Variants in TDRD7 observed in about 807,000 individuals in gnomAD.
TDRD7 encodes tudor domain containing 7.
A neutral mutation model predicts 109.8 loss-of-function variants in TDRD7; 47 were observed. That is an observed-to-expected ratio of 0.43 (90% CI 0.34 to 0.55). The LOEUF is 0.55. Among genes scored for constraint, TDRD7 ranks in the 20% least tolerant of loss-of-function variants. The pLI is 0.03. For missense variants in TDRD7, 1,164 were observed against 1,319.2 expected (o/e 0.88, Z 1.82); for synonymous variants, 424 against 457.3 (o/e 0.93, Z 0.93).
chr9:97,471,865 T>G (rs1828919949), intron 9 of TDRD7, among the ~76,000 whole-genome samples: 1 of 152,218 alleles, frequency 6.6e-6, no homozygotes, highest in Non-Finnish European at 1.5e-5. Context: ...TTGTCTCAAT[T>G]TCCAATAAAT....
chr9:97,427,968 A>G lies in TDRD7; in HGVS notation c.-6-492A>G, dbSNP rs115132813. ...AAAAATGCAAACATGAGCATAATAT[A>G]GTAGTCTCAGGGTCTGCCCCTCCCT... On this transcript the variant is annotated intron_variant, in intron 1 of 16. Coordinates refer to ENST00000355295, the MANE Select transcript of TDRD7 (RefSeq NM_014290.3). Among the ~76,000 whole-genome samples the G allele has an allele frequency of 6.7e-3, 1,018 of 152,288 alleles. 7 individuals are homozygous for G. The highest frequency in any genetic ancestry group is 0.022 in the African/African-American group (931 of 41,550).
chr9:97,473,909 G>A (rs1227014498), intron 11 of TDRD7, among the ~76,000 whole-genome samples: 3 of 152,268 alleles, frequency 2.0e-5, no homozygotes, highest in South Asian at 2.1e-4. Flanking sequence ...CACAGCAATC[G>A]GTAGATGTGT....
chr9:97,478,438 G>C lies in TDRD7; in HGVS notation c.2167-1G>C. ...ATGAGCCAACACTTATCTCATTTCA[G>C]ATCACAAATGTTCACAGCAGCCGGG... On this transcript the variant is annotated splice_acceptor_variant, in intron 12 of 16. Coordinates refer to ENST00000355295, the MANE Select transcript of TDRD7 (RefSeq NM_014290.3). LOFTEE classifies it high-confidence loss of function. The C allele has an allele frequency of 6.2e-7, 1 of 1,613,958 alleles. No individual in the cohort carries two copies.
chr9:97,483,968 A>G (rs1022964784), intron 15 of TDRD7, among the ~76,000 whole-genome samples: 10 of 152,028 alleles, frequency 6.6e-5, no homozygotes, highest in African/African-American at 1.9e-4. Flanking sequence ...TTACCATTCT[A>G]TTTTGTTATG....
At chr9:97,429,956 C>T (rs1480023843) in intron 2 of TDRD7, among the ~76,000 whole-genome samples, 1 of 152,152 alleles carries the variant, frequency 6.6e-6, no homozygotes, top group Non-Finnish European at 1.5e-5. Context: ...TATTAAAATA[C>T]CCCCGTTGCT....
At chr9:97,414,839 A>G (rs1587853718) in intron 1 of TDRD7, among the ~76,000 whole-genome samples, 1 of 152,370 alleles carries the variant, frequency 6.6e-6, no homozygotes, top group East Asian at 1.9e-4. Context: ...AGCATTTAAA[A>G]GTGTCGCAAG....
intron 7 of TDRD7, 89 bp downstream of exon 7, chr9:97,460,853 A>C: frequency 7.8e-7 from 1 of 1,279,346 alleles, no homozygotes; most frequent in Non-Finnish European, 1.1e-6. Context: ...TAAAGGAAGA[A>C]TAATATGGCC....
Position 97,483,043 on chromosome 9 carries a change from G to A in TDRD7, c.2607G>A (p.Met869Ile), listed in dbSNP as rs1829145326. The change falls in exon 15 of 17, where the codon ATG (methionine) becomes ATA (isoleucine). Residue 869 changes from methionine (M) to isoleucine (I), a missense_variant. Transcript: ENST00000355295. ...SPNSKNGNMP[M>I]SGNTGENFRK... ...ACAGCAAAAATGGCAACATGCCCATGTCGGGCAACACTGGAGAGAATTTCA... is the reference window on the plus strand; with the variant it reads ...ACAGCAAAAATGGCAACATGCCCATATCGGGCAACACTGGAGAGAATTTCA... 6.2e-7 allele frequency: 1 copy of A among 1,614,178 alleles called. No homozygotes were observed. Among genetic ancestry groups the A allele is most frequent in the Non-Finnish European group, 8.5e-7 (1 of 1,180,028 alleles).
chr9:97,476,621 T>G (rs951283387), intron 12 of TDRD7, among the ~76,000 whole-genome samples: 13 of 151,818 alleles, frequency 8.6e-5, no homozygotes, highest in Non-Finnish European at 1.8e-4. Context: ...GCTTGATTTT[T>G]TTTTTCTTTT....
chr9:97,459,543 G>C (rs1393391083), intron 6 of TDRD7, among the ~76,000 whole-genome samples: 1 of 152,204 alleles, frequency 6.6e-6, no homozygotes, highest in African/African-American at 2.4e-5. Flanking sequence ...ATCAAGCTGT[G>C]CCTCTCAGAA....
intron 16 of TDRD7, among the ~76,000 whole-genome samples, chr9:97,487,780 C>G (rs1282326573): frequency 1.3e-5 from 2 of 152,096 alleles, no homozygotes; most frequent in Non-Finnish European, 2.9e-5. Flanking sequence ...CATCTTTACA[C>G]TAGCTAAAAC....
chr9:97,421,427 G>T (rs1442537431), intron 1 of TDRD7, among the ~76,000 whole-genome samples: 1 of 152,018 alleles, frequency 6.6e-6, no homozygotes, highest in Non-Finnish European at 1.5e-5. Context: ...TTTAAATTGG[G>T]ATCTTTGTTT....
At chr9:97,481,946 C>A (rs1829123581) in intron 14 of TDRD7, among the ~76,000 whole-genome samples, 1 of 152,146 alleles carries the variant, frequency 6.6e-6, no homozygotes, top group Non-Finnish European at 1.5e-5. Flanking sequence ...TGTTATCTCC[C>A]TCTCCGCAGA....
chr9:97,413,958 A>G (rs1193756572), intron 1 of TDRD7, among the ~76,000 whole-genome samples: 1 of 152,228 alleles, frequency 6.6e-6, no homozygotes, highest in Non-Finnish European at 1.5e-5. Context: ...TCTCTGTGCA[A>G]TATAATCTAG....
intron 2 of TDRD7, 134 bp from the exon 3 acceptor site, chr9:97,430,799 C>T (rs565469106): frequency 2.3e-5 from 24 of 1,031,336 alleles, no homozygotes; most frequent in South Asian, 7.8e-5. Context: ...TATCAAGGAG[C>T]GAGACACATG....
At chr9:97,494,394 A>G (rs1308812229) in intron 16 of TDRD7, among the ~76,000 whole-genome samples, 2 of 152,210 alleles carry the variant, frequency 1.3e-5, no homozygotes, top group African/African-American at 4.8e-5. Flanking sequence ...TCTGAATCCT[A>G]GAAGAAAGGG....
At chr9:97,414,928 G>A (rs1827787614) in intron 1 of TDRD7, among the ~76,000 whole-genome samples, 1 of 152,174 alleles carries the variant, frequency 6.6e-6, no homozygotes, top group African/African-American at 2.4e-5. Context: ...TGTAAGATAA[G>A]GAGCTTGGGT....
chr9:97,460,494 A>T lies in TDRD7; in HGVS notation c.1172A>T (p.Asp391Val). The change falls in exon 7 of 17, where the codon GAC becomes GTC. Residue 391 changes from aspartate (D) to valine (V), a missense_variant. Transcript: ENST00000355295. Reference sequence around the variant, plus strand: ...TCACTTTCTGATGTATGCAGCATAGACTACATTTCTGGAAATCCCCAGAAG... The same window carrying T: ...TCACTTTCTGATGTATGCAGCATAGTCTACATTTCTGGAAATCCCCAGAAG... ...LASLSDVCSI[D>V]YISGNPQKAI... The T allele has an allele frequency of 6.2e-7, 1 of 1,614,206 alleles. No individual in the cohort carries two copies. The highest frequency in any genetic ancestry group is 2.2e-5 in the East Asian group (1 of 44,872).
chr9:97,434,827 C>T (rs1342735122), intron 4 of TDRD7, among the ~76,000 whole-genome samples: 1 of 152,098 alleles, frequency 6.6e-6, no homozygotes, highest in South Asian at 2.1e-4. Flanking sequence ...TATGTCTCCA[C>T]AGTAAAAAGG....
Sources: allele counts gnomAD v4.1 joint callset (sites outside exome capture counted in the v4.1 genomes callset), GRCh38; gene constraint gnomAD v4.1.1; transcripts MANE v1.5; gene names NCBI Gene and HGNC (gene_info 2026-07-23, HGNC 2026-07-21).